The following UNC13C variants were observed in gnomAD, a reference collection of about 807,000 sequenced individuals.
UNC13C encodes unc-13 homolog C, also known as protein unc-13 homolog C.
UNC13C carries 174 observed loss-of-function variants against 245.4 expected under a neutral mutation model. The observed-to-expected ratio is 0.71, with a 90% CI of 0.63 to 0.80. The LOEUF is 0.80. UNC13C is among the 30% of genes least tolerant of loss of function. The pLI, the probability that UNC13C is intolerant of heterozygous loss-of-function variation, is 0.00. For missense variants in UNC13C, 2,829 were observed against 2,602.9 expected, an observed-to-expected ratio of 1.09 and a Z score of -1.89; for synonymous variants, 992 against 895.1, an observed-to-expected ratio of 1.11 and a Z score of -1.93.
intron 19 of UNC13C, among the ~76,000 whole-genome samples, chr15:54,441,606 G>A (rs959972931): frequency 6.6e-6 from 1 of 151,938 alleles, no homozygotes; most frequent in African/African-American, 2.4e-5. Context: ...CTTGTAATAT[G>A]TTTTGAAGTC....
At chr15:54,545,356 C>A (rs1896438121) in intron 26 of UNC13C, among the ~76,000 whole-genome samples, 1 of 152,136 alleles carries the variant, frequency 6.6e-6, no homozygotes, top group African/African-American at 2.4e-5. Flanking sequence ...TAGAAGAAAA[C>A]CTAGGCAATA....
chr15:54,160,294 C>A (rs2032922599), intron 4 of UNC13C, among the ~76,000 whole-genome samples: 1 of 150,606 alleles, frequency 6.6e-6, no homozygotes, highest in South Asian at 2.1e-4. Context: ...TTCAGATCTA[C>A]AGAAGTGATA....
At chr15:54,378,160 A>C (rs2039646903) in intron 17 of UNC13C, among the ~76,000 whole-genome samples, 1 of 152,182 alleles carries the variant, frequency 6.6e-6, no homozygotes, top group Non-Finnish European at 1.5e-5. Flanking sequence ...TTTTACTCAC[A>C]AGTAAAAGTA....
intron 24 of UNC13C, among the ~76,000 whole-genome samples, chr15:54,521,541 T>C (rs573668312): frequency 4.1e-4 from 63 of 152,300 alleles, no homozygotes; most frequent in South Asian, 1.7e-3. Context: ...AGTTTAACAA[T>C]TGCTGCTGTA....
chr15:54,378,944 G>A (rs1183630606), intron 17 of UNC13C, among the ~76,000 whole-genome samples: 1 of 151,994 alleles, frequency 6.6e-6, no homozygotes, highest in African/African-American at 2.4e-5. Flanking sequence ...CAATTTAAAT[G>A]TCAGGATACC....
At chr15:54,386,981 C>G (rs2039851203) in intron 17 of UNC13C, among the ~76,000 whole-genome samples, 1 of 152,112 alleles carries the variant, frequency 6.6e-6, no homozygotes, top group Non-Finnish European at 1.5e-5. Context: ...CTCTATTTTC[C>G]TAGCTGATAA....
At chr15:54,349,851 G>T (rs2038940980) in intron 17 of UNC13C, among the ~76,000 whole-genome samples, 1 of 152,060 alleles carries the variant, frequency 6.6e-6, no homozygotes, top group African/African-American at 2.4e-5. Flanking sequence ...AAATGTAGTG[G>T]GTACATATCA....
intron 2 of UNC13C, among the ~76,000 whole-genome samples, chr15:54,122,200 T>C (rs1339003142): frequency 6.6e-6 from 1 of 151,976 alleles, no homozygotes; most frequent in Non-Finnish European, 1.5e-5. Context: ...AACAGTCCTA[T>C]GTGTCTGATT....
chr15:54,348,693 A>C (rs978283780), intron 17 of UNC13C, among the ~76,000 whole-genome samples: 1 of 152,182 alleles, frequency 6.6e-6, no homozygotes, highest in Non-Finnish European at 1.5e-5. Flanking sequence ...CAGTTATTTT[A>C]ACCCAAAAAG....
intron 2 of UNC13C, among the ~76,000 whole-genome samples, chr15:54,033,334 A>G (rs1022505884): frequency 2.0e-5 from 3 of 152,226 alleles, no homozygotes; most frequent in Non-Finnish European, 4.4e-5. Context: ...GGAAGAGGTT[A>G]GAGAAACACT....
intron 17 of UNC13C, among the ~76,000 whole-genome samples, chr15:54,372,767 A>G (rs2039517395): frequency 6.6e-6 from 1 of 152,244 alleles, no homozygotes; most frequent in South Asian, 2.1e-4. Context: ...AATTTCACCT[A>G]AGAATGCTCT....
intron 17 of UNC13C, among the ~76,000 whole-genome samples, chr15:54,340,165 T>C (rs2038695146): frequency 1.3e-5 from 2 of 152,226 alleles, no homozygotes; most frequent in African/African-American, 4.8e-5. Flanking sequence ...TTTGAGTTTC[T>C]TGTAGATTCT....
intron 4 of UNC13C, among the ~76,000 whole-genome samples, chr15:54,216,046 CCAAATATAAAGATG>C (rs1165825590): frequency 6.6e-6 from 1 of 151,768 alleles, no homozygotes; most frequent in African/African-American, 2.4e-5. Flanking sequence ...ACATGGTGAT[CCAAATATAAAGATG>C]CAAATGAGAG....
chr15:53,952,902 TG>T, the UNC13C span, among the ~76,000 whole-genome samples: 1 of 152,118 alleles, frequency 6.6e-6, no homozygotes, highest in African/African-American at 2.4e-5. Flanking sequence ...TCTCTTAGAG[TG>T]TCTAATTTTT....
At chr15:54,231,331 T>C (rs921303777) in intron 4 of UNC13C, among the ~76,000 whole-genome samples, 1 of 152,072 alleles carries the variant, frequency 6.6e-6, no homozygotes, top group Non-Finnish European at 1.5e-5. Flanking sequence ...TTTCATTAAA[T>C]ACAAAATAAT....
intron 2 of UNC13C, among the ~76,000 whole-genome samples, chr15:54,090,278 ACT>A (rs1413386339): frequency 6.8e-6 from 1 of 147,888 alleles, no homozygotes; most frequent in African/African-American, 2.5e-5. Context: ...ATCAGTTATG[ACT>A]CTGTTGTTAC....
chr15:54,065,024 A>G (rs970763737), intron 2 of UNC13C, among the ~76,000 whole-genome samples: 3 of 152,196 alleles, frequency 2.0e-5, no homozygotes, highest in Non-Finnish European at 2.9e-5. Flanking sequence ...ATTCACCCCA[A>G]TGGTATCCTT....
the UNC13C span, among the ~76,000 whole-genome samples, chr15:53,877,553 A>G: frequency 6.6e-6 from 1 of 150,394 alleles, no homozygotes; most frequent in African/African-American, 2.4e-5. Context: ...TAGGAAGGCT[A>G]GTGTGTTTGT....
chr15:54,401,309 T>C (rs1300776593), intron 18 of UNC13C, among the ~76,000 whole-genome samples: 3 of 152,158 alleles, frequency 2.0e-5, no homozygotes, highest in Non-Finnish European at 4.4e-5. Flanking sequence ...AAATATTTAA[T>C]TTGTAAAAGA....
Sources: allele counts gnomAD v4.1 joint callset (sites outside exome capture counted in the v4.1 genomes callset), GRCh38; gene constraint gnomAD v4.1.1; transcripts MANE v1.5; gene names NCBI Gene and HGNC (gene_info 2026-07-23, HGNC 2026-07-21).